FKBP14: variants seen among roughly 807,000 people sequenced by gnomAD.
FKBP14 encodes FKBP prolyl isomerase 14.
A neutral mutation model predicts 21.6 loss-of-function variants in FKBP14; 20 were observed. That is an observed-to-expected ratio of 0.92 (90% CI 0.65 to 1.34). The LOEUF is 1.34. FKBP14 is among the 40% of genes most tolerant of loss of function. FKBP14 has a pLI of 0.00. For synonymous variants in FKBP14, 79 were observed against 86.7 expected, an observed-to-expected ratio of 0.91 and a Z score of 0.49; for missense variants, 253 against 249.0, an observed-to-expected ratio of 1.02 and a Z score of -0.11.
chr7:30,010,223 T>G (rs1048166144), downstream of FKBP14, among the ~76,000 whole-genome samples: 1 of 152,196 alleles, frequency 6.6e-6, no homozygotes, highest in African/African-American at 2.4e-5. Flanking sequence ...CATAAATCAG[T>G]GTGTCCACCT....
intron 2 of FKBP14, chr7:30,020,380 T>C (rs1242211506): frequency 1.5e-6 from 1 of 676,626 alleles, no homozygotes. Flanking sequence ...GACTCAAATT[T>C]AGATCTCTAC....
chr7:30,015,737 T>C (rs1381385298), intron 3 of FKBP14, among the ~76,000 whole-genome samples: 1 of 150,038 alleles, frequency 6.7e-6, no homozygotes, highest in Non-Finnish European at 1.5e-5. Flanking sequence ...GCCATTCTCC[T>C]GCCTCAGCCT....
rs1038369555 is a variant in FKBP14 at position 30,019,258 on chromosome 7, T to A, written c.350-135A>T. 7.8e-6 allele frequency: 6 copies of A among 766,404 alleles called. No homozygotes were observed. In the Admixed American group the frequency reaches 2.2e-4, roughly 28 times the overall value. 47.5% of individuals were successfully genotyped at this position (766,404 alleles called of 1,614,324 possible). A position where few individuals can be genotyped will look rare whatever the true frequency, so the allele number is the denominator to read the frequency against. ...CTAAGATTGTCATATATGATGAAAATTATGTATATTATATTTTACTCGAAT... is the reference window on the plus strand; with the variant it reads ...CTAAGATTGTCATATATGATGAAAAATATGTATATTATATTTTACTCGAAT... On this transcript the variant is annotated intron_variant, in intron 2 of 3. Transcript: ENST00000222803.
At chr7:30,026,201 C>T (rs1790166424) in intron 1 of FKBP14, 111 bp downstream of exon 1, 2 of 1,012,666 alleles carry the variant, frequency 2.0e-6, no homozygotes, top group Admixed American at 2.4e-5. Context: ...TAAGATATTT[C>T]GGTTTTGTAA....
At chr7:30,006,072 A>T (rs1291299125), downstream of FKBP14, among the ~76,000 whole-genome samples, 4 of 151,030 alleles carry the variant, frequency 2.6e-5, no homozygotes, top group East Asian at 7.8e-4. Flanking sequence ...TACACACACC[A>T]TATGTACATA....
At position 30,026,504 on chromosome 7, in the gene FKBP14, C is replaced by T. The variant is rs1790181894; in HGVS notation, c.5G>A (p.Arg2Lys). 2.5e-6 allele frequency: 4 copies of T among 1,607,210 alleles called. No individual in the cohort carries two copies. In the South Asian group the frequency reaches 3.3e-5, roughly 13 times the overall value. ...CAAGACCGCGTTCCACAAGAAAAGC[C>T]TCATGTTGCTGAAGCAAGGAAAGAA... MRLFLWNAVLTL... is the reference protein window; with the variant it reads MKLFLWNAVLTL... Residue 2 changes from arginine to lysine, a missense_variant, in exon 1 of 4, where the codon AGG becomes AAG. By Grantham distance (26) the Arg-to-Lys change is conservative (BLOSUM62 2). Coordinates refer to ENST00000222803, the MANE Select transcript of FKBP14 (RefSeq NM_017946.4).
rs1258845360 is a variant in FKBP14 at position 30,013,812 on chromosome 7, G to C, written c.*923C>G. The C allele has an allele frequency of 6.6e-6, 1 of 152,052 alleles. No individual in the cohort carries two copies. The highest frequency in any genetic ancestry group is 1.5e-5 in the Non-Finnish European group (1 of 68,002). The allele number at this position is 152,052 out of a possible 1,614,324, so 9.4% of individuals were successfully genotyped here. ...ATCATAATAGGCCACCAATCACTAG[G>C]AGCCAAGCTTCATCAGCTTAAGTCC... On this transcript the variant is annotated 3_prime_UTR_variant, in exon 4 of 4. Coordinates refer to ENST00000222803, the MANE Select transcript of FKBP14 (RefSeq NM_017946.4).
chr7:30,011,998 G>A lies in FKBP14; in HGVS notation c.*2737C>T, dbSNP rs141621884. 183 of 152,258 alleles carry A rather than the reference G, an allele frequency of 1.2e-3. No homozygotes were observed. Among genetic ancestry groups the A allele is most frequent in the African/African-American group, 4.2e-3 (174 of 41,552 alleles). The allele number at this position is 152,258 out of a possible 1,614,324, so 9.4% of individuals were successfully genotyped here. A position where few individuals can be genotyped will look rare whatever the true frequency, so the allele number is the denominator to read the frequency against. ...AGAACAGCAACATGCTGTAGCCTAGGAGCAATAGGCTATATACATGTCCTA... is the reference window on the plus strand; with the variant it reads ...AGAACAGCAACATGCTGTAGCCTAGAAGCAATAGGCTATATACATGTCCTA... On this transcript the variant is annotated 3_prime_UTR_variant, in exon 4 of 4. Transcript: ENST00000222803.
At chr7:30,025,701 C>T (rs1367554158) in intron 1 of FKBP14, 5 of 152,208 alleles carry the variant, frequency 3.3e-5, no homozygotes, top group African/African-American at 4.8e-5. Context: ...ACCTGAAAAT[C>T]CTTCACCTAG....
At position 30,014,744 on chromosome 7, in the gene FKBP14, A is replaced by G; in HGVS notation, c.627T>C (p.Asp209=). ...ISAREFTYKH[D]EL is the part of the protein sequence containing the mutation. ...AAGGGTAGATGTATCTCTATAACTC[A>G]TCGTGTTTATATGTAAATTCTCTGG... Residue 209 remains aspartate, a synonymous_variant, in exon 4 of 4, where the codon GAT becomes GAC. Coordinates refer to ENST00000222803, the MANE Select transcript of FKBP14 (RefSeq NM_017946.4). The G allele has an allele frequency of 6.3e-7, 1 of 1,596,838 alleles. No homozygotes were observed.
At position 30,026,561 on chromosome 7, in the gene FKBP14, C is replaced by A; in HGVS notation, c.-53G>T. The A allele has an allele frequency of 6.6e-7, 1 of 1,525,758 alleles. No individual in the cohort carries two copies. Among genetic ancestry groups the A allele is most frequent in the Non-Finnish European group, 8.9e-7 (1 of 1,127,638 alleles). 94.5% of individuals were successfully genotyped at this position (1,525,758 alleles called of 1,614,324 possible). A position where few individuals can be genotyped will look rare whatever the true frequency, so the allele number is the denominator to read the frequency against. On this transcript the variant is annotated 5_prime_UTR_variant, in exon 1 of 4. Transcript: ENST00000222803. ...ACAAAAGCAGCGAAAGGTCCCTCGA[C>A]TTCATAGATTTAAGAACGTAGTTCA...
chr7:30,026,623 T>C lies in FKBP14; in HGVS notation c.-115A>G. The C allele has an allele frequency of 1.2e-6, 1 of 865,652 alleles. No homozygotes were observed. Among genetic ancestry groups the C allele is most frequent in the African/African-American group, 1.7e-5 (1 of 58,974 alleles). The allele number at this position is 865,652 out of a possible 1,614,324, so 53.6% of individuals were successfully genotyped here. ...CAAGGGCTTCAGACAAGTTCAGGACTCCCCCTTCTTAGAAGACGTGGCACA... is the reference window on the plus strand; with the variant it reads ...CAAGGGCTTCAGACAAGTTCAGGACCCCCCCTTCTTAGAAGACGTGGCACA... On this transcript the variant is annotated 5_prime_UTR_variant, in exon 1 of 4. Transcript: ENST00000222803.
intron 1 of FKBP14, among the ~76,000 whole-genome samples, chr7:30,025,813 C>G (rs1790158105): frequency 6.6e-6 from 1 of 152,164 alleles, no homozygotes. Context: ...TACCATTCGT[C>G]AGAACAAAAG....
intron 3 of FKBP14, among the ~76,000 whole-genome samples, chr7:30,015,241 C>T (rs1789850106): frequency 4.6e-5 from 7 of 151,622 alleles, no homozygotes; most frequent in Admixed American, 4.6e-4. Flanking sequence ...TAATGAAAGC[C>T]CATCTCCACT....
rs1789831395 is a variant in FKBP14, at chr7:30,014,684, GACT to G, written c.*48_*50del. The G allele has an allele frequency of 8.7e-7, 1 of 1,155,502 alleles. No homozygotes were observed. The highest frequency in any genetic ancestry group is 1.6e-5 in the African/African-American group (1 of 63,294). 71.6% of individuals were successfully genotyped at this position (1,155,502 alleles called of 1,614,324 possible). Reference sequence around the variant, plus strand: ...TAAAAATAAAATGTTCTTTAAAGATGACTGCCCTCTCTTGAAAGATGAGTGCTA... The same window carrying G: ...TAAAAATAAAATGTTCTTTAAAGATGGCCCTCTCTTGAAAGATGAGTGCTA... On this transcript the variant is annotated 3_prime_UTR_variant, in exon 4 of 4. Coordinates refer to ENST00000222803, the MANE Select transcript of FKBP14 (RefSeq NM_017946.4).
chr7:30,020,098 G>T (rs1014746730), intron 2 of FKBP14: 7 of 329,954 alleles, frequency 2.1e-5, no homozygotes, highest in African/African-American at 1.6e-4. Flanking sequence ...TAACATACAG[G>T]TCTGTGTAAA....
intron 3 of FKBP14, 65 bp downstream of exon 3, chr7:30,018,931 A>C (rs1400228257): frequency 1.2e-5 from 18 of 1,560,322 alleles, no homozygotes; most frequent in Non-Finnish European, 1.3e-5. Context: ...ACAAAAACAA[A>C]ACAAAACAAA....
At chr7:30,006,471 C>T (rs1789620125), downstream of FKBP14, among the ~76,000 whole-genome samples, 1 of 150,500 alleles carries the variant, frequency 6.6e-6, no homozygotes, top group Non-Finnish European at 1.5e-5. Context: ...CTTGAACATT[C>T]TTCTACAGGG....
At position 30,022,708 on chromosome 7, in the gene FKBP14, C is replaced by T. The variant is rs373751380; in HGVS notation, c.306G>A (p.Lys102=). Reference sequence around the variant, plus strand: ...AGCCCAGAGCAGGAGGAATGATGAGCTTTCTCTTCTCTCCTACACACATTC... The same window carrying T: ...AGCCCAGAGCAGGAGGAATGATGAGTTTTCTCTTCTCTCCTACACACATTC... ...LKGMCVGEKR[K]LIIPPALGYG... The change falls in exon 2 of 4, where the codon AAG becomes AAA. Residue 102 remains lysine (K), a synonymous_variant. Transcript: ENST00000222803. 3 of 1,613,990 alleles carry T rather than the reference C, an allele frequency of 1.9e-6. No homozygotes were observed. The highest frequency in any genetic ancestry group is 1.3e-5 in the African/African-American group (1 of 74,920).
Sources: allele counts gnomAD v4.1 joint callset (sites outside exome capture counted in the v4.1 genomes callset), GRCh38; gene constraint gnomAD v4.1.1; transcripts MANE v1.5; gene names NCBI Gene and HGNC (gene_info 2026-07-23, HGNC 2026-07-21).